PLXND1: variants seen among roughly 807,000 people sequenced by gnomAD.
The protein encoded by PLXND1 is plexin-D1.
A neutral mutation model predicts 197.7 loss-of-function variants in PLXND1; 54 were observed. The observed-to-expected ratio is 0.27, with a 90% confidence interval of 0.22 to 0.34. The LOEUF (loss-of-function observed/expected upper bound fraction) is 0.34. PLXND1 is among the 10% of genes least tolerant of loss of function. The pLI is 1.00. For missense variants in PLXND1, 2,127 were observed against 2,699.2 expected (o/e 0.79, Z 4.70); for synonymous variants, 1,180 against 1,161.2 (o/e 1.02, Z -0.33).
chr3:129,606,128 T>TCGGCGGGCGGCG lies in PLXND1; in HGVS notation c.500_511dup (p.Ala167_Ala170dup), dbSNP rs2085789705. 2.0e-6 allele frequency: 3 copies of TCGGCGGGCGGCG among 1,511,698 alleles called. No individual in the cohort carries two copies. Among genetic ancestry groups the TCGGCGGGCGGCG allele is most frequent in the Non-Finnish European group, 2.6e-6 (3 of 1,137,546 alleles). The allele number at this position is 1,511,698 out of a possible 1,614,324, so 93.6% of individuals were successfully genotyped here. ...CATGCTGGGGAACACCGTGACGGGC[T>TCGGCGGGCGGCG]CGGCGGGCGGCGCGGCGGGCGGGAA... On this transcript the variant is annotated inframe_insertion, in exon 1 of 36. Coordinates refer to ENST00000324093, the MANE Select transcript of PLXND1 (RefSeq NM_015103.3).
In PLXND1 at chr3:129,567,521, G is replaced by A. The variant is rs183250689; in HGVS notation, c.4057C>T (p.His1353Tyr). 58 of 1,608,106 alleles carry A rather than the reference G, an allele frequency of 3.6e-5. No individual in the cohort carries two copies. The East Asian group carries it at 1.3e-3, about 35-fold the overall frequency. Residue 1353 changes from histidine (H) to tyrosine (Y), a missense_variant, in exon 22 of 36, where the codon CAC (histidine) becomes TAC (tyrosine). His to Tyr is a moderately conservative substitution (Grantham distance 83, BLOSUM62 2). This residue lies in a region of PLXND1 where 532 missense variants were observed against 811.0 expected (regional missense o/e 0.66). Transcript: ENST00000324093. ...SQGIPFLEYK[H>Y]FVTRTFFPKC... is the part of the protein sequence containing the mutation. ...GGGAAGAAGGTGCGGGTCACGAAGT[G>A]CTTATACTCCAGGAAGGGGATGCCC...
At chr3:129,605,304 C>T (rs948320921) in intron 1 of PLXND1, 25 bp downstream of exon 1, 85 of 1,222,680 alleles carry the variant, frequency 7.0e-5, no homozygotes, top group Non-Finnish European at 8.5e-5. Context: ...CCGCCGCCGC[C>T]GCCGCCGCCA....
chr3:129,574,268 C>G, intron 12 of PLXND1, 68 bp downstream of exon 12: 4 of 1,437,452 alleles, frequency 2.8e-6, no homozygotes, highest in Non-Finnish European at 3.7e-6. Flanking sequence ...GAAGTGGGAC[C>G]CTCGAGGGCA....
chr3:129,556,093 A>T lies in PLXND1; in HGVS notation c.*219T>A. ...TGACCAGCTCTCTGGCCTCCATCCCAGAGACTGATCTGGGGACAGGTGGGA... is the reference window on the plus strand; with the variant it reads ...TGACCAGCTCTCTGGCCTCCATCCCTGAGACTGATCTGGGGACAGGTGGGA... On this transcript the variant is annotated 3_prime_UTR_variant, in exon 36 of 36. Coordinates refer to ENST00000324093, the MANE Select transcript of PLXND1 (RefSeq NM_015103.3). 1 of 536,624 alleles carries T rather than the reference A, an allele frequency of 1.9e-6. No homozygotes were observed. The allele number at this position is 536,624 out of a possible 1,614,324, so 33.2% of individuals were successfully genotyped here. A position where few individuals can be genotyped will look rare whatever the true frequency, so the allele number is the denominator to read the frequency against.
rs1251738169 is a variant in PLXND1, at chr3:129,573,724, A to G, written c.2707T>C (p.Leu903=). The G allele has an allele frequency of 3.1e-6, 5 of 1,613,570 alleles. No homozygotes were observed. The highest frequency in any genetic ancestry group is 4.2e-6 in the Non-Finnish European group (5 of 1,179,962). ...IHAIEPLSGP[L]DGGTLLTIRG... ...ATGGTCAGCAGGGTCCCACCGTCCA[A>G]CGGGCCACTCAGGGGCTCAATCTGC... is the stretch of plus-strand genomic sequence containing the variant. Residue 903 remains leucine, a synonymous_variant, in exon 13 of 36, where the codon TTG becomes CTG. Coordinates refer to ENST00000324093, the MANE Select transcript of PLXND1 (RefSeq NM_015103.3).
intron 1 of PLXND1, chr3:129,591,602 G>A (rs1211879360): frequency 6.6e-6 from 1 of 152,230 alleles, no homozygotes; most frequent in Non-Finnish European, 1.5e-5. Context: ...AAGTGTCCAG[G>A]AAGTGTTAGC....
intron 11 of PLXND1, 149 bp from the exon 12 acceptor site, chr3:129,574,639 G>T: frequency 1.2e-6 from 1 of 818,692 alleles, no homozygotes; most frequent in Non-Finnish European, 1.9e-6. Context: ...TGGGGGTCAG[G>T]ATCCCCTGAG....
intron 9 of PLXND1, among the ~76,000 whole-genome samples, chr3:129,576,111 G>A (rs1440569194): frequency 1.3e-5 from 2 of 152,222 alleles, no homozygotes; most frequent in Non-Finnish European, 2.9e-5. Flanking sequence ...AGCCTCTCCA[G>A]CATCCCCAGT....
At chr3:129,567,992 A>T (rs2108771547) in intron 20 of PLXND1, among the ~76,000 whole-genome samples, 187 bp from the exon 21 acceptor site, 1 of 151,654 alleles carries the variant, frequency 6.6e-6, no homozygotes, top group East Asian at 1.9e-4. Flanking sequence ...CCGTGGACAG[A>T]GGGCTTGGGG....
chr3:129,602,450 G>T (rs1362167608), intron 1 of PLXND1, among the ~76,000 whole-genome samples: 1 of 152,160 alleles, frequency 6.6e-6, no homozygotes, highest in Non-Finnish European at 1.5e-5. Context: ...CCTCCGCTGG[G>T]CTCCCTCCAC....
chr3:129,575,773 T>A lies in PLXND1; in HGVS notation c.2429A>T (p.Gln810Leu). The change falls in exon 10 of 36, where the codon CAG (glutamine) becomes CTG (leucine). Residue 810 changes from glutamine (Q) to leucine (L), a missense_variant. Around this residue, in one of 6 missense-constraint regions of PLXND1, gnomAD observed 1,095 missense variants for 1,259.8 expected, o/e 0.87. Coordinates refer to ENST00000324093, the MANE Select transcript of PLXND1 (RefSeq NM_015103.3). ...WVNESVVRCD[Q>L]VVLHTTRKSQ... is the part of the protein sequence containing the mutation. ...TGGAGTCACCCCACTCACCACCACCTGGTCACAGCGTACAACAGACTCATT... is the reference window on the plus strand; with the variant it reads ...TGGAGTCACCCCACTCACCACCACCAGGTCACAGCGTACAACAGACTCATT... The A allele has an allele frequency of 6.2e-7, 1 of 1,611,708 alleles. No individual in the cohort carries two copies.
chr3:129,566,014 G>C lies in PLXND1; in HGVS notation c.4195C>G (p.Pro1399Ala). The change falls in exon 24 of 36, where the codon CCT (proline) becomes GCT (alanine). Residue 1399 changes from proline (P) to alanine (A), a missense_variant. Pro to Ala is a conservative substitution (Grantham distance 27). Around this residue, in one of 6 missense-constraint regions of PLXND1, gnomAD observed 532 missense variants for 811.0 expected, o/e 0.66. Coordinates refer to ENST00000324093, the MANE Select transcript of PLXND1 (RefSeq NM_015103.3). ...TCCATGTTGGGCCGGCAGCTCTCAG[G>C]AATCTGTGGAAGCAACTGGTGATGG... Reference protein sequence around the residue: ...THPLLGEWKIPESCRPNMEEG... With the variant: ...THPLLGEWKIAESCRPNMEEG... 1.9e-6 allele frequency: 3 copies of C among 1,614,116 alleles called. No homozygotes were observed. Among genetic ancestry groups the C allele is most frequent in the Non-Finnish European group, 2.5e-6 (3 of 1,179,978 alleles).
chr3:129,569,850 G>T lies in PLXND1; in HGVS notation c.3858C>A (p.Ser1286=), dbSNP rs535035726. 23 of 1,592,024 alleles carry T rather than the reference G, an allele frequency of 1.4e-5. No homozygotes were observed. In the South Asian group the frequency reaches 2.4e-4, roughly 17 times the overall value. ...IVICSVLLLL[S]VVALFVFCTK... ...GAGGGTGGGGCTCCTTACCCACCAC[G>T]GAGAGCAGCAGCAGGACGCTGCAGA... The change falls in exon 20 of 36, where the codon TCC becomes TCA. Residue 1286 remains serine (S), a synonymous_variant. Transcript: ENST00000324093.
At chr3:129,589,581 C>G in intron 1 of PLXND1, 54 bp from the exon 2 acceptor site, 1 of 1,425,278 alleles carries the variant, frequency 7.0e-7, no homozygotes, top group Non-Finnish European at 9.4e-7. Flanking sequence ...TCCGGCTCCC[C>G]GCCCGCACAG....
rs181823106 is a variant in PLXND1 at position 129,595,546 on chromosome 3, G to C, written c.1312-6019C>G. On this transcript the variant is annotated intron_variant, in intron 1 of 35. Coordinates refer to ENST00000324093, the MANE Select transcript of PLXND1 (RefSeq NM_015103.3). ...CACAGAGGAAAAGCAGCCTGGAGGA[G>C]CACGTTGGAGAAACCAAGGCACAGA... 2.1e-3 allele frequency among the ~76,000 whole-genome samples: 320 copies of C among 152,348 alleles called. 1 individual carries two copies. The highest frequency in any genetic ancestry group is 7.4e-3 in the African/African-American group (306 of 41,576).
chr3:129,596,158 TA>T (rs1281606310), intron 1 of PLXND1, among the ~76,000 whole-genome samples: 1 of 152,020 alleles, frequency 6.6e-6, no homozygotes, highest in African/African-American at 2.4e-5. Context: ...AGGTGCTCAA[TA>T]AATGTTCCCA....
intron 29 of PLXND1, 115 bp downstream of exon 29, chr3:129,561,531 G>T (rs1055641269): frequency 1.3e-6 from 1 of 745,218 alleles, no homozygotes; most frequent in African/African-American, 1.7e-5. Context: ...CACCAAGGAG[G>T]CCTCAGCCCA....
intron 9 of PLXND1, among the ~76,000 whole-genome samples, chr3:129,576,862 C>T (rs1024541098): frequency 1.3e-5 from 2 of 152,130 alleles, no homozygotes; most frequent in African/African-American, 2.4e-5. Context: ...GCTCAGTTCC[C>T]CAGGCTCATC....
intron 1 of PLXND1, among the ~76,000 whole-genome samples, chr3:129,598,652 G>A (rs562367367): frequency 3.7e-4 from 57 of 152,148 alleles, no homozygotes; most frequent in Non-Finnish European, 5.9e-4. Flanking sequence ...CAGGGGCCTC[G>A]GCGGACGCAG....
Sources: gnomAD v4.1 joint callset for allele counts (sites outside exome capture counted in the v4.1 genomes callset) on GRCh38, gnomAD v4.1.1 for gene constraint, gnomAD v4.1.1 regional missense constraint, MANE v1.5 for transcripts, NCBI Gene and HGNC (gene_info 2026-07-23, HGNC 2026-07-21) for gene names.